The following TNR variants were observed in gnomAD, a reference collection of about 807,000 sequenced individuals.
The protein encoded by TNR is tenascin R, also known as tenascin-R.
A neutral mutation model predicts 150.4 loss-of-function variants in TNR; 45 were observed. The ratio of observed to expected loss-of-function variants is 0.30; its 90% CI spans 0.24 to 0.38. TNR has a LOEUF of 0.38. Among genes scored for constraint, TNR ranks in the 10% least tolerant of loss-of-function variants. TNR has a pLI of 1.00. For synonymous variants in TNR, 687 were observed against 678.4 expected (o/e 1.01, Z -0.20); for missense variants, 1,544 against 1,759.1 (o/e 0.88, Z 2.19).
chr1:175,555,351 T>C lies in TNR; in HGVS notation c.-164-26982A>G, dbSNP rs943937151. Among the ~76,000 whole-genome samples the C allele has an allele frequency of 2.6e-5, 4 of 152,056 alleles. No homozygotes were observed. The East Asian group carries it at 5.8e-4, about 22-fold the overall frequency. On this transcript the variant is annotated intron_variant, in intron 1 of 22. Coordinates refer to ENST00000367674, the MANE Select transcript of TNR (RefSeq NM_003285.3). ...TAGAAGCACATTTTCTAGTTCCTAA[T>C]AAAACCTCTCAGGCTAGGCCCACAC...
At chr1:175,722,817 A>T (rs1667346323) in intron 1 of TNR, among the ~76,000 whole-genome samples, 1 of 139,468 alleles carries the variant, frequency 7.2e-6, no homozygotes, top group African/African-American at 2.7e-5. Context: ...CCCGAGACAG[A>T]GTCTTACTCT....
intron 1 of TNR, among the ~76,000 whole-genome samples, chr1:175,588,792 G>A (rs1662677949): frequency 6.6e-6 from 1 of 152,106 alleles, no homozygotes; most frequent in Non-Finnish European, 1.5e-5. Flanking sequence ...AAGTAACTTG[G>A]TCAGGGTAAC....
intron 1 of TNR, among the ~76,000 whole-genome samples, chr1:175,734,043 A>T (rs1202346183): frequency 3.6e-4 from 55 of 152,364 alleles, no homozygotes; most frequent in Admixed American, 9.8e-4. Context: ...TGCTGGTGAC[A>T]GTATGAGAAG....
chr1:175,616,645 C>T (rs1338315892), intron 1 of TNR, among the ~76,000 whole-genome samples: 4 of 152,164 alleles, frequency 2.6e-5, no homozygotes, highest in Admixed American at 6.5e-5. Context: ...TGGTGGTCCC[C>T]GCTGGCCATG....
intron 1 of TNR, among the ~76,000 whole-genome samples, chr1:175,560,121 C>A (rs1040593133): frequency 9.2e-5 from 14 of 152,204 alleles, no homozygotes; most frequent in African/African-American, 3.4e-4. Context: ...ATTCTTAAAC[C>A]AGGTATCCCC....
At chr1:175,457,823 T>C (rs921051922) in intron 2 of TNR, among the ~76,000 whole-genome samples, 6 of 152,200 alleles carry the variant, frequency 3.9e-5, no homozygotes, top group African/African-American at 1.4e-4. Flanking sequence ...CCTCATTGAA[T>C]CCTCCTTCGT....
In TNR at chr1:175,406,598, C is replaced by T; in HGVS notation, c.117G>A (p.Arg39=). The T allele has an allele frequency of 6.2e-7, 1 of 1,614,174 alleles. No homozygotes were observed. Among genetic ancestry groups the T allele is most frequent in the South Asian group, 1.1e-5 (1 of 91,078 alleles). ...CCTCCTCCACTGACTGTCTCTGGAC[C>T]CTTTCTGTGGTGACCTCCAGCTGAC... ...SECQLEVTTE[R]VQRQSVEEEG... Residue 39 remains arginine (R), a synonymous_variant, in exon 3 of 23, where the codon AGG becomes AGA. Transcript: ENST00000367674.
At chr1:175,732,422 ACT>A (rs1282876689) in intron 1 of TNR, among the ~76,000 whole-genome samples, 1 of 152,044 alleles carries the variant, frequency 6.6e-6, no homozygotes, top group Non-Finnish European at 1.5e-5. Context: ...ATTTAAGAAA[ACT>A]CACTTGCTTT....
intron 1 of TNR, among the ~76,000 whole-genome samples, chr1:175,580,655 T>C (rs979342766): frequency 1.3e-5 from 2 of 152,228 alleles, no homozygotes; most frequent in African/African-American, 4.8e-5. Flanking sequence ...GAAGCCCTTT[T>C]GTGATTCATT....
intron 1 of TNR, among the ~76,000 whole-genome samples, chr1:175,600,926 GA>G (rs918523667): frequency 6.6e-5 from 10 of 151,514 alleles, no homozygotes; most frequent in Non-Finnish European, 1.0e-4. Flanking sequence ...GGTCTTGAGT[GA>G]AAAAAAAATT....
intron 1 of TNR, among the ~76,000 whole-genome samples, chr1:175,741,826 A>G (rs1161809287): frequency 1.3e-5 from 2 of 152,170 alleles, no homozygotes; most frequent in Non-Finnish European, 2.9e-5. Context: ...AAGACAAAGA[A>G]TCACCATTCT....
chr1:175,611,400 A>G (rs1558036564), intron 1 of TNR, among the ~76,000 whole-genome samples: 1 of 151,902 alleles, frequency 6.6e-6, no homozygotes, highest in Non-Finnish European at 1.5e-5. Context: ...TGGTATAATC[A>G]TGGCTCACTG....
chr1:175,432,823 T>C lies in TNR; in HGVS notation c.-63-26046A>G, dbSNP rs1354139602. 2.0e-5 allele frequency among the ~76,000 whole-genome samples: 3 copies of C among 152,152 alleles called. No individual in the cohort carries two copies. In the East Asian group the frequency reaches 5.8e-4, roughly 29 times the overall value. On this transcript the variant is annotated intron_variant, in intron 2 of 22. Transcript: ENST00000367674. The stretch of plus-strand genomic sequence containing the variant: ...TTCTCTTTTGGTGGCAAACACATAA[T>C]GTTATTTGGGGTCATACTGCATTCA...
chr1:175,709,314 C>T (rs1180409898), intron 1 of TNR, among the ~76,000 whole-genome samples: 2 of 150,566 alleles, frequency 1.3e-5, no homozygotes, highest in Non-Finnish European at 3.0e-5. Flanking sequence ...CACATACACA[C>T]ACACACACAC....
At chr1:175,671,398 C>T (rs560244860) in intron 1 of TNR, among the ~76,000 whole-genome samples, 40 of 152,346 alleles carry the variant, frequency 2.6e-4, no homozygotes, top group African/African-American at 9.4e-4. Flanking sequence ...GAGCACTGAT[C>T]ATCCAAGAGT....
At chr1:175,657,879 A>ATATATG (rs1553251710) in intron 1 of TNR, among the ~76,000 whole-genome samples, 3 of 121,112 alleles carry the variant, frequency 2.5e-5, no homozygotes, top group African/African-American at 8.9e-5. Context: ...ATATATATAT[A>ATATATG]TATATGTAAC....
intron 1 of TNR, among the ~76,000 whole-genome samples, chr1:175,740,191 T>C (rs909741): frequency 1.3e-4 from 20 of 152,116 alleles, no homozygotes; most frequent in Non-Finnish European, 2.1e-4. Context: ...CCACATCTAT[T>C]AAGTAATACA....
At chr1:175,556,319 G>A (rs150878828) in intron 1 of TNR, among the ~76,000 whole-genome samples, 1,769 of 152,286 alleles carry the variant, frequency 0.012, 39 homozygotes, top group African/African-American at 0.039. Flanking sequence ...CACAACACAA[G>A]TAATGTCCAT....
At chr1:175,535,619 C>A (rs1276504354) in intron 1 of TNR, among the ~76,000 whole-genome samples, 1 of 150,092 alleles carries the variant, frequency 6.7e-6, no homozygotes, top group Non-Finnish European at 1.5e-5. Flanking sequence ...CGCCAACATG[C>A]CCGGCTAATT....
Sources: gnomAD v4.1 joint callset for allele counts (sites outside exome capture counted in the v4.1 genomes callset) on GRCh38, gnomAD v4.1.1 for gene constraint, MANE v1.5 for transcripts, NCBI Gene and HGNC (gene_info 2026-07-23, HGNC 2026-07-21) for gene names.